The following RIPOR3 variants were observed in gnomAD, a reference collection of about 807,000 sequenced individuals.
The protein encoded by RIPOR3 is RIPOR family member 3.
In RIPOR3, 95 loss-of-function variants were observed where a neutral mutation model predicts 114.3. That is an observed-to-expected ratio of 0.83 (90% CI 0.70 to 0.99). The LOEUF is 0.99. Ranked by LOEUF, RIPOR3 falls within the 50% of genes least tolerant of loss-of-function variation. The pLI is 0.00. For missense variants in RIPOR3, 1,252 were observed against 1,266.9 expected (o/e 0.99, Z 0.18); for synonymous variants, 575 against 543.8 (o/e 1.06, Z -0.80).
At chr20:50,667,343 G>C (rs1045716392) in intron 1 of RIPOR3, among the ~76,000 whole-genome samples, 2 of 142,564 alleles carry the variant, frequency 1.4e-5, no homozygotes, top group Admixed American at 7.2e-5. Context: ...ACCCAGGCTG[G>C]AGTGCAATGG....
At chr20:50,604,519 C>T (rs1334071050) in intron 12 of RIPOR3, 126 bp downstream of exon 12, 1 of 1,362,304 alleles carries the variant, frequency 7.3e-7, no homozygotes, top group Non-Finnish European at 9.8e-7. Context: ...CCCAGGATCG[C>T]CTCAAACGGA....
chr20:50,630,357 C>G (rs1428679686), intron 2 of RIPOR3, among the ~76,000 whole-genome samples: 2 of 152,162 alleles, frequency 1.3e-5, no homozygotes, highest in South Asian at 4.1e-4. Flanking sequence ...CTCAAGTGAT[C>G]CTCCTGCCTC....
At chr20:50,590,711 T>C (rs1391446285) in intron 19 of RIPOR3, among the ~76,000 whole-genome samples, 1 of 152,046 alleles carries the variant, frequency 6.6e-6, no homozygotes, top group Non-Finnish European at 1.5e-5. Context: ...GGCAGCCTAC[T>C]CCTTCCTCAG....
chr20:50,600,305 C>T (rs949139066), intron 13 of RIPOR3, among the ~76,000 whole-genome samples: 4 of 151,980 alleles, frequency 2.6e-5, no homozygotes, highest in African/African-American at 7.2e-5. Flanking sequence ...GTTCTGACTT[C>T]GTTTGCCAAA....
intron 19 of RIPOR3, 106 bp from the exon 20 acceptor site, chr20:50,589,875 T>C (rs1015239630): frequency 5.6e-5 from 52 of 935,924 alleles, no homozygotes; most frequent in Middle Eastern, 2.5e-4. Context: ...GCTGTGCCCA[T>C]CTTTCTCTAA....
Position 50,589,667 on chromosome 20 carries a change from G to A in RIPOR3, c.2661+19C>T, listed in dbSNP as rs368271108. ...GCAGGCTTTTCTATCAGCCACTAAT[G>A]GGGAAACGTCAGGCTCACCTTGAGG... On this transcript the variant is annotated intron_variant, in intron 20 of 21. Transcript: ENST00000327979. 1.9e-5 allele frequency: 31 copies of A among 1,612,188 alleles called. No individual in the cohort carries two copies. In the African/African-American group the frequency reaches 3.9e-4, roughly 20 times the overall value.
At chr20:50,667,840 G>A (rs2086308919) in intron 1 of RIPOR3, among the ~76,000 whole-genome samples, 2 of 152,220 alleles carry the variant, frequency 1.3e-5, no homozygotes, top group African/African-American at 4.8e-5. Context: ...ACACGTGCTT[G>A]CTTTGTGATT....
chr20:50,629,005 C>T (rs2084723285), intron 2 of RIPOR3, among the ~76,000 whole-genome samples: 2 of 152,146 alleles, frequency 1.3e-5, no homozygotes. Context: ...AGGGGTCCTC[C>T]CCCAGGACCT....
At chr20:50,663,755 T>A (rs2086087827) in intron 1 of RIPOR3, among the ~76,000 whole-genome samples, 1 of 152,174 alleles carries the variant, frequency 6.6e-6, no homozygotes, top group Admixed American at 6.5e-5. Flanking sequence ...CTTCCCTAGA[T>A]TGGTGCCAGC....
chr20:50,678,591 G>A (rs994933686), intron 1 of RIPOR3, among the ~76,000 whole-genome samples: 4 of 152,216 alleles, frequency 2.6e-5, no homozygotes, highest in African/African-American at 7.2e-5. Context: ...AGTGCTATTC[G>A]TGATCACAAA....
intron 1 of RIPOR3, among the ~76,000 whole-genome samples, chr20:50,688,632 A>T (rs2087106467): frequency 6.6e-6 from 1 of 152,204 alleles, no homozygotes; most frequent in African/African-American, 2.4e-5. Flanking sequence ...ATGGCAAAGA[A>T]TATCACCGAA....
chr20:50,659,159 G>T (rs564031541), intron 1 of RIPOR3, among the ~76,000 whole-genome samples: 9 of 152,316 alleles, frequency 5.9e-5, no homozygotes, highest in African/African-American at 2.2e-4. Context: ...TGCAGCATTT[G>T]CTTGCAGAAG....
In RIPOR3 at chr20:50,592,509, G is replaced by A. The variant is rs1399383280; in HGVS notation, c.2412C>T (p.Ala804=). The change falls in exon 19 of 22, where the codon GCC becomes GCT. Residue 804 remains alanine, a synonymous_variant. Coordinates refer to ENST00000327979, the MANE Select transcript of RIPOR3 (RefSeq NM_001290268.2). ...TCCCCTGCAGCTTCCGGACCACCTT[G>A]GCCTGTCCCGCACAGTGAAGCTCCT... ...LIEELHCAGQ[A]KVVRKLQGKR... The A allele has an allele frequency of 6.2e-7, 1 of 1,607,678 alleles. No homozygotes were observed. The highest frequency in any genetic ancestry group is 8.5e-7 in the Non-Finnish European group (1 of 1,176,734).
intron 1 of RIPOR3, among the ~76,000 whole-genome samples, chr20:50,666,305 ATC>A (rs1156667563): frequency 6.8e-6 from 1 of 148,042 alleles, no homozygotes; most frequent in Non-Finnish European, 1.5e-5. Context: ...GCTCACCGCA[ATC>A]TCCGTCTCCC....
intron 1 of RIPOR3, among the ~76,000 whole-genome samples, chr20:50,685,832 A>AC (rs1463133595): frequency 1.3e-5 from 2 of 150,754 alleles, no homozygotes; most frequent in Admixed American, 6.6e-5. Context: ...AAAAAAAAAA[A>AC]AAAACCCTCC....
intron 2 of RIPOR3, among the ~76,000 whole-genome samples, chr20:50,623,006 A>G (rs202237370): frequency 3.9e-5 from 6 of 152,168 alleles, no homozygotes; most frequent in East Asian, 3.9e-4. Context: ...GCTCACACCT[A>G]TAATCCCAGC....
chr20:50,633,134 C>T (rs1285046429), intron 1 of RIPOR3, among the ~76,000 whole-genome samples: 1 of 152,086 alleles, frequency 6.6e-6, no homozygotes, highest in Admixed American at 6.5e-5. Flanking sequence ...TGGTGGCAGG[C>T]GCCTGTAATC....
chr20:50,651,966 T>C (rs1350363641), intron 1 of RIPOR3, among the ~76,000 whole-genome samples: 1 of 152,192 alleles, frequency 6.6e-6, no homozygotes, highest in African/African-American at 2.4e-5. Context: ...ATTGTGGACA[T>C]GGCGGGGCAA....
chr20:50,630,367 C>T (rs752575461), intron 2 of RIPOR3, among the ~76,000 whole-genome samples: 3 of 152,068 alleles, frequency 2.0e-5, no homozygotes, highest in Non-Finnish European at 2.9e-5. Flanking sequence ...CCTCCTGCCT[C>T]GGCCTCCCAA....
Sources: allele counts gnomAD v4.1 joint callset (sites outside exome capture counted in the v4.1 genomes callset), GRCh38; gene constraint gnomAD v4.1.1; transcripts MANE v1.5; gene names NCBI Gene and HGNC (gene_info 2026-07-23, HGNC 2026-07-21).